CNTNAP2: variants seen among roughly 807,000 people sequenced by gnomAD.
CNTNAP2 encodes contactin-associated protein-like 2.
A neutral mutation model predicts 155.2 loss-of-function variants in CNTNAP2; 98 were observed. The observed-to-expected ratio is 0.63, with a 90% CI of 0.54 to 0.75. The LOEUF is 0.75. Among genes scored for constraint, CNTNAP2 ranks in the 30% least tolerant of loss-of-function variants. The probability of loss-of-function intolerance (pLI) is 0.00; values close to 1 mark genes in which losing one functional copy is unlikely to be tolerated. For synonymous variants in CNTNAP2, 651 were observed against 631.2 expected (o/e 1.03, Z -0.47); for missense variants, 1,727 against 1,688.1 (o/e 1.02, Z -0.40).
chr7:147,921,530 A>T (rs147130764), intron 14 of CNTNAP2, among the ~76,000 whole-genome samples: 228 of 152,310 alleles, frequency 1.5e-3, no homozygotes, highest in African/African-American at 4.5e-3. Flanking sequence ...CATTCATTTC[A>T]TCCATTCCTT....
intron 12 of CNTNAP2, among the ~76,000 whole-genome samples, chr7:147,596,209 A>G (rs1800824531): frequency 6.6e-6 from 1 of 152,098 alleles, no homozygotes; most frequent in Non-Finnish European, 1.5e-5. Context: ...GGCAGTCATC[A>G]TACACACTCG....
intron 1 of CNTNAP2, among the ~76,000 whole-genome samples, chr7:146,134,695 T>G (rs13226563): frequency 0.21 from 31,523 of 149,264 alleles, 3,065 homozygotes; most frequent in Middle Eastern, 0.31. Context: ...TTGGCTCTGT[T>G]TATATGCTGG....
chr7:146,452,231 C>A (rs930103704), intron 1 of CNTNAP2, among the ~76,000 whole-genome samples: 6 of 151,908 alleles, frequency 3.9e-5, no homozygotes, highest in Non-Finnish European at 8.8e-5. Flanking sequence ...TGTCTTCATA[C>A]CACTTACCAT....
At chr7:147,542,471 C>T (rs1489606556) in intron 11 of CNTNAP2, among the ~76,000 whole-genome samples, 1 of 152,174 alleles carries the variant, frequency 6.6e-6, no homozygotes, top group Non-Finnish European at 1.5e-5. Flanking sequence ...GACTTAGCAT[C>T]TTTATTTGCA....
intron 1 of CNTNAP2, among the ~76,000 whole-genome samples, chr7:146,670,809 G>A (rs1053803435): frequency 3.3e-5 from 5 of 152,110 alleles, no homozygotes; most frequent in African/African-American, 1.2e-4. Flanking sequence ...GTCATAGCTA[G>A]CCACTCCCAC....
At chr7:147,812,504 G>A (rs1289362487) in intron 13 of CNTNAP2, among the ~76,000 whole-genome samples, 88 of 147,388 alleles carry the variant, frequency 6.0e-4, no homozygotes, top group African/African-American at 2.0e-3. Flanking sequence ...AATTTAAAAA[G>A]TAAAAAAAAA....
intron 1 of CNTNAP2, among the ~76,000 whole-genome samples, chr7:146,761,679 A>G (rs925470088): frequency 2.0e-5 from 3 of 150,794 alleles, no homozygotes; most frequent in Non-Finnish European, 2.9e-5. Flanking sequence ...TTTTTTAAAT[A>G]TTAAAACTGT....
rs956093573 is a variant in CNTNAP2 at position 146,433,289 on chromosome 7, TCTTAA to T, written c.97+316322_97+316326del. On this transcript the variant is annotated intron_variant, in intron 1 of 23. Transcript: ENST00000361727. ...AACGTAAAAGCTATCTGTTGGTCTC[TCTTAA>T]CTTAATTTGTTTGGGGTCAGGTCCA... Among the ~76,000 whole-genome samples the T allele has an allele frequency of 2.8e-4, 42 of 152,264 alleles. 1 individual carries two copies. Among genetic ancestry groups the T allele is most frequent in the African/African-American group, 9.9e-4 (41 of 41,562 alleles).
At chr7:147,860,823 A>T (rs1026931891) in intron 13 of CNTNAP2, among the ~76,000 whole-genome samples, 2 of 152,166 alleles carry the variant, frequency 1.3e-5, no homozygotes, top group Admixed American at 1.3e-4. Flanking sequence ...TGGAAACTCT[A>T]TGCAACAATA....
chr7:148,107,974 C>T (rs1163666474), intron 15 of CNTNAP2, among the ~76,000 whole-genome samples: 2 of 152,170 alleles, frequency 1.3e-5, no homozygotes, highest in Non-Finnish European at 2.9e-5. Flanking sequence ...AGCCTGGCAG[C>T]GACACTCCTC....
intron 1 of CNTNAP2, among the ~76,000 whole-genome samples, chr7:146,391,882 C>T (rs891011573): frequency 3.3e-5 from 5 of 151,940 alleles, no homozygotes; most frequent in African/African-American, 7.3e-5. Flanking sequence ...AAATAATGAA[C>T]GTGTACTAGG....
intron 1 of CNTNAP2, among the ~76,000 whole-genome samples, chr7:146,644,591 A>T (rs1386791000): frequency 6.6e-6 from 1 of 152,168 alleles, no homozygotes; most frequent in Admixed American, 6.5e-5. Context: ...ATCAATATTC[A>T]TCAAGGATAT....
intron 1 of CNTNAP2, among the ~76,000 whole-genome samples, chr7:146,446,428 TA>T (rs150353192): frequency 0.036 from 5,409 of 151,778 alleles, 341 homozygotes; most frequent in African/African-American, 0.12. Context: ...GAAAATAAGA[TA>T]AAAAAAAGAA....
chr7:146,332,133 A>G (rs547084218), intron 1 of CNTNAP2, among the ~76,000 whole-genome samples: 2 of 151,938 alleles, frequency 1.3e-5, no homozygotes, highest in African/African-American at 4.8e-5. Flanking sequence ...AAATACATGT[A>G]TCTATTTTAT....
At chr7:146,636,578 C>A (rs947426090) in intron 1 of CNTNAP2, among the ~76,000 whole-genome samples, 2 of 152,138 alleles carry the variant, frequency 1.3e-5, no homozygotes, top group African/African-American at 4.8e-5. Flanking sequence ...TATTTTACAA[C>A]CTATGCTCAG....
chr7:147,174,296 T>C (rs1182854398), intron 8 of CNTNAP2, among the ~76,000 whole-genome samples: 1 of 152,182 alleles, frequency 6.6e-6, no homozygotes, highest in African/African-American at 2.4e-5. Flanking sequence ...TGATTACCTT[T>C]TAATAAAATG....
chr7:146,549,141 G>T (rs1798077353), intron 1 of CNTNAP2, among the ~76,000 whole-genome samples: 1 of 148,756 alleles, frequency 6.7e-6, no homozygotes, highest in Non-Finnish European at 1.5e-5. Flanking sequence ...TCCTATCTTT[G>T]GTATCAAGCC....
intron 3 of CNTNAP2, among the ~76,000 whole-genome samples, chr7:146,928,602 C>T (rs1245061178): frequency 1.2e-4 from 19 of 152,080 alleles, no homozygotes; most frequent in Non-Finnish European, 2.5e-4. Flanking sequence ...GTGGGTGCAG[C>T]GCACCGTGCA....
At chr7:147,349,359 G>T (rs1338881426) in intron 9 of CNTNAP2, among the ~76,000 whole-genome samples, 1 of 151,666 alleles carries the variant, frequency 6.6e-6, no homozygotes, top group Non-Finnish European at 1.5e-5. Flanking sequence ...TTCTCAAAAA[G>T]CAAAAGTAGA....
Sources: allele counts gnomAD v4.1 joint callset (sites outside exome capture counted in the v4.1 genomes callset), GRCh38; gene constraint gnomAD v4.1.1; transcripts MANE v1.5; gene names NCBI Gene and HGNC (gene_info 2026-07-23, HGNC 2026-07-21).